XRCC4: variants seen among roughly 807,000 people sequenced by gnomAD.
XRCC4 encodes X-ray repair cross complementing 4.
In XRCC4, 28 loss-of-function variants were observed where a neutral mutation model predicts 39.1. That is an observed-to-expected ratio of 0.72 (90% CI 0.53 to 0.98). The LOEUF (loss-of-function observed/expected upper bound fraction) is 0.98, where lower values mean the gene tolerates loss of function less well. XRCC4 is among the 50% of genes least tolerant of loss of function. XRCC4 has a pLI of 0.00. For synonymous variants in XRCC4, 123 were observed against 126.4 expected (o/e 0.97, Z 0.18); for missense variants, 350 against 376.4 (o/e 0.93, Z 0.58).
At chr5:83,085,754 C>T (rs923215571) in intron 1 of XRCC4, among the ~76,000 whole-genome samples, 2 of 152,126 alleles carry the variant, frequency 1.3e-5, no homozygotes, top group African/African-American at 4.8e-5. Flanking sequence ...CTGATAACTT[C>T]TTAAATGGCA....
chr5:83,333,770 CTTT>C (rs780841413), intron 7 of XRCC4, among the ~76,000 whole-genome samples: 3 of 140,894 alleles, frequency 2.1e-5, no homozygotes, highest in Admixed American at 7.2e-5. Flanking sequence ...AGATTTAAAC[CTTT>C]TTTTTTTTTT....
At chr5:83,308,432 A>T (rs908665670) in intron 7 of XRCC4, among the ~76,000 whole-genome samples, 1 of 152,180 alleles carries the variant, frequency 6.6e-6, no homozygotes, top group South Asian at 2.1e-4. Context: ...GGCCACTTTT[A>T]ACCATTTATA....
intron 7 of XRCC4, among the ~76,000 whole-genome samples, chr5:83,307,038 A>G (rs1300281138): frequency 1.3e-5 from 2 of 152,178 alleles, no homozygotes; most frequent in Non-Finnish European, 2.9e-5. Context: ...CAGAGTAAGC[A>G]CACACTTCAC....
chr5:83,118,589 G>A (rs1746852714), intron 3 of XRCC4, among the ~76,000 whole-genome samples: 1 of 152,170 alleles, frequency 6.6e-6, no homozygotes, highest in African/African-American at 2.4e-5. Flanking sequence ...AATAATATGT[G>A]CTTTTTCTTT....
the XRCC4 span, among the ~76,000 whole-genome samples, chr5:83,367,462 G>A: frequency 9.2e-5 from 14 of 152,096 alleles, no homozygotes; most frequent in Non-Finnish European, 5.9e-5. Context: ...TACTGTGTCA[G>A]CCAGCCATCT....
intron 3 of XRCC4, among the ~76,000 whole-genome samples, chr5:83,113,431 C>T (rs1014938772): frequency 7.9e-5 from 12 of 152,080 alleles, no homozygotes; most frequent in Non-Finnish European, 1.3e-4. Context: ...TGCAAGCTGT[C>T]GGTGGATCTA....
intron 7 of XRCC4, among the ~76,000 whole-genome samples, chr5:83,293,258 G>T (rs1404898820): frequency 6.6e-6 from 1 of 151,750 alleles, no homozygotes; most frequent in African/African-American, 2.4e-5. Flanking sequence ...CCTTCCAAAG[G>T]AAATGATATT....
chr5:83,196,011 G>A, intron 4 of XRCC4, 75 bp downstream of exon 4: 4 of 1,399,854 alleles, frequency 2.9e-6, no homozygotes, highest in Non-Finnish European at 3.8e-6. Flanking sequence ...GTTAATGATT[G>A]GTAAATTTCC....
intron 7 of XRCC4, among the ~76,000 whole-genome samples, chr5:83,328,619 C>G (rs1341150931): frequency 6.6e-6 from 1 of 151,944 alleles, no homozygotes; most frequent in Admixed American, 6.6e-5. Context: ...TATTTGTCAT[C>G]AAAATTCTAA....
At chr5:83,244,802 G>C (rs1168186831) in intron 6 of XRCC4, among the ~76,000 whole-genome samples, 5 of 152,094 alleles carry the variant, frequency 3.3e-5, no homozygotes, top group Non-Finnish European at 5.9e-5. Context: ...TCTTCTTTCA[G>C]GAAGCACAGG....
chr5:83,149,880 T>G (rs1748625908), intron 3 of XRCC4, among the ~76,000 whole-genome samples: 1 of 151,772 alleles, frequency 6.6e-6, no homozygotes, highest in Non-Finnish European at 1.5e-5. Flanking sequence ...ATTACTGAGG[T>G]TTGGCTGGCT....
intron 1 of XRCC4, among the ~76,000 whole-genome samples, chr5:83,087,773 T>C (rs527781077): frequency 2.6e-4 from 40 of 152,338 alleles, no homozygotes; most frequent in Non-Finnish European, 4.4e-4. Flanking sequence ...TTTGAAAATT[T>C]AGTAATTTAC....
At chr5:83,135,069 G>A (rs1346609253) in intron 3 of XRCC4, among the ~76,000 whole-genome samples, 2 of 152,126 alleles carry the variant, frequency 1.3e-5, no homozygotes, top group Non-Finnish European at 2.9e-5. Context: ...TGAAGTCCGC[G>A]AGACCAAGAA....
rs1379500095 is a variant in XRCC4 at position 83,347,223 on chromosome 5, A to G, written c.894-5908A>G. Among the ~76,000 whole-genome samples the G allele has an allele frequency of 7.9e-5, 12 of 152,196 alleles. No homozygotes were observed. The South Asian group carries it at 8.3e-4, about 11-fold the overall frequency. The stretch of plus-strand genomic sequence containing the variant: ...TGCAAAACTATAAATGTGTAGAATG[A>G]TCACATTTTTGTAAAAAAAAGGCTG... On this transcript the variant is annotated intron_variant, in intron 7 of 7. Coordinates refer to ENST00000396027, the MANE Select transcript of XRCC4 (RefSeq NM_003401.5).
At chr5:83,080,740 A>G (rs1744901517) in intron 1 of XRCC4, among the ~76,000 whole-genome samples, 1 of 152,148 alleles carries the variant, frequency 6.6e-6, no homozygotes, top group Admixed American at 6.5e-5. Flanking sequence ...TGTTCTAGGA[A>G]TACTTATTTT....
the XRCC4 span, among the ~76,000 whole-genome samples, chr5:83,374,114 G>A: frequency 6.6e-6 from 1 of 152,138 alleles, no homozygotes; most frequent in African/African-American, 2.4e-5. Flanking sequence ...CCAGCATCCT[G>A]TAAGAGGACC....
chr5:83,297,134 G>A, intron 7 of XRCC4, among the ~76,000 whole-genome samples: 1 of 151,576 alleles, frequency 6.6e-6, no homozygotes, highest in East Asian at 1.9e-4. Context: ...TAAGTAAACT[G>A]AATATGGTAA....
At chr5:83,087,934 A>G (rs1745255592) in intron 1 of XRCC4, among the ~76,000 whole-genome samples, 1 of 152,190 alleles carries the variant, frequency 6.6e-6, no homozygotes, top group Non-Finnish European at 1.5e-5. Context: ...ATATTTATGC[A>G]GGCAGAATTG....
chr5:83,372,291 A>C, the XRCC4 span, among the ~76,000 whole-genome samples: 3 of 152,222 alleles, frequency 2.0e-5, no homozygotes, highest in African/African-American at 7.2e-5. Flanking sequence ...TAGCATGACA[A>C]ATGTTTGCAC....
Sources: gnomAD v4.1 joint callset for allele counts (sites outside exome capture counted in the v4.1 genomes callset) on GRCh38, gnomAD v4.1.1 for gene constraint, MANE v1.5 for transcripts, NCBI Gene and HGNC (gene_info 2026-07-23, HGNC 2026-07-21) for gene names.